The following ATAD1 variants were observed in gnomAD, a reference collection of about 807,000 sequenced individuals.
ATAD1 encodes outer mitochondrial transmembrane helix translocase.
In ATAD1, 18 loss-of-function variants were observed where a neutral mutation model predicts 42.7. That is an observed-to-expected ratio of 0.42 (90% CI 0.29 to 0.63). The LOEUF is 0.63. ATAD1 is among the 20% of genes least tolerant of loss of function. ATAD1 has a pLI of 0.19. For synonymous variants in ATAD1, 132 were observed against 143.1 expected (o/e 0.92, Z 0.55); for missense variants, 294 against 440.4 (o/e 0.67, Z 2.98).
chr10:87,831,860 A>G (rs528992498), intron 1 of ATAD1, among the ~76,000 whole-genome samples: 1 of 152,314 alleles, frequency 6.6e-6, no homozygotes, highest in South Asian at 2.1e-4. Context: ...GGTGCTTTGC[A>G]TATATCAACT....
At chr10:87,834,784 A>C (rs1364121652) in intron 1 of ATAD1, among the ~76,000 whole-genome samples, 1 of 151,694 alleles carries the variant, frequency 6.6e-6, no homozygotes, top group Non-Finnish European at 1.5e-5. Context: ...TAGCTTTTAA[A>C]AATTTTCTTC....
chr10:87,814,223 C>T (rs1857311228), intron 2 of ATAD1, among the ~76,000 whole-genome samples: 1 of 151,924 alleles, frequency 6.6e-6, no homozygotes, highest in Non-Finnish European at 1.5e-5. Flanking sequence ...ATTCATTTTT[C>T]TTCTGATAAG....
At chr10:87,782,723 A>G (rs1855625510) in intron 5 of ATAD1, among the ~76,000 whole-genome samples, 1 of 152,206 alleles carries the variant, frequency 6.6e-6, no homozygotes, top group Non-Finnish European at 1.5e-5. Context: ...TAGCAGAAGT[A>G]AATCAGCTAG....
intron 2 of ATAD1, among the ~76,000 whole-genome samples, chr10:87,797,053 A>G (rs1404606010): frequency 6.6e-6 from 1 of 152,204 alleles, no homozygotes; most frequent in Non-Finnish European, 1.5e-5. Context: ...TGTAGAGAGC[A>G]GTCTTCAGCC....
rs1375020602 is a variant in ATAD1, at chr10:87,791,640, C to A, written c.261+1017G>T. On this transcript the variant is annotated intron_variant, in intron 3 of 9. Coordinates refer to ENST00000680024, the MANE Select transcript of ATAD1 (RefSeq NM_001321967.2). Reference sequence around the variant, plus strand: ...TGTATACACAGATATTAAGACATTGCAGACTTTTATTTTCTAGATATGGAG... The same window carrying A: ...TGTATACACAGATATTAAGACATTGAAGACTTTTATTTTCTAGATATGGAG... 2.0e-5 allele frequency among the ~76,000 whole-genome samples: 3 copies of A among 152,196 alleles called. No individual in the cohort carries two copies. In the East Asian group the frequency reaches 5.8e-4, roughly 29 times the overall value.
chr10:87,755,769 C>T (rs1291456590), intron 9 of ATAD1, among the ~76,000 whole-genome samples: 3 of 151,972 alleles, frequency 2.0e-5, no homozygotes, highest in African/African-American at 7.3e-5. Context: ...ATTAGCCGGG[C>T]ATGGTGATGG....
chr10:87,834,397 C>T (rs1211165035), intron 1 of ATAD1, among the ~76,000 whole-genome samples: 1 of 152,136 alleles, frequency 6.6e-6, no homozygotes, highest in Admixed American at 6.6e-5. Context: ...TAGAATTTGA[C>T]AGTGTAACCA....
At chr10:87,775,278 G>C (rs1373901380) in intron 6 of ATAD1, among the ~76,000 whole-genome samples, 1 of 151,188 alleles carries the variant, frequency 6.6e-6, no homozygotes, top group Non-Finnish European at 1.5e-5. Flanking sequence ...AAAATTAGCT[G>C]GGCATGGTAG....
At chr10:87,806,103 T>C (rs1231361525) in intron 2 of ATAD1, among the ~76,000 whole-genome samples, 1 of 152,064 alleles carries the variant, frequency 6.6e-6, no homozygotes, top group Non-Finnish European at 1.5e-5. Flanking sequence ...CCCACAAACT[T>C]CCCCAAATTC....
chr10:87,819,842 G>A (rs17098687), upstream of ATAD1, among the ~76,000 whole-genome samples: 2 of 152,128 alleles, frequency 1.3e-5, no homozygotes, highest in African/African-American at 4.8e-5. Flanking sequence ...AAATCACAAG[G>A]CTTTAAAGGA....
At chr10:87,808,325 A>G (rs1857017490) in intron 2 of ATAD1, among the ~76,000 whole-genome samples, 1 of 97,178 alleles carries the variant, frequency 1.0e-5, no homozygotes, top group Admixed American at 1.2e-4. Flanking sequence ...AAGTAAACAA[A>G]GAAAAGCCAA....
chr10:87,811,826 C>G (rs1857198658), intron 2 of ATAD1, among the ~76,000 whole-genome samples: 1 of 152,162 alleles, frequency 6.6e-6, no homozygotes, highest in Non-Finnish European at 1.5e-5. Flanking sequence ...GCTATATGAA[C>G]ATTTCCTCCT....
intron 4 of ATAD1, among the ~76,000 whole-genome samples, chr10:87,790,068 GAAGT>G (rs1163469383): frequency 6.6e-6 from 1 of 152,104 alleles, no homozygotes; most frequent in African/African-American, 2.4e-5. Context: ...AATTTACTTG[GAAGT>G]AAGAGAAAAG....
At chr10:87,835,740 C>G (rs1304040463) in intron 1 of ATAD1, among the ~76,000 whole-genome samples, 2 of 151,836 alleles carry the variant, frequency 1.3e-5, no homozygotes, top group Non-Finnish European at 2.9e-5. Context: ...TCTGTTTTCT[C>G]TTTTCTACCT....
chr10:87,815,883 A>G (rs1564783777), intron 1 of ATAD1, among the ~76,000 whole-genome samples: 1 of 152,142 alleles, frequency 6.6e-6, no homozygotes, highest in Admixed American at 6.5e-5. Flanking sequence ...AAGGGACTCT[A>G]TAAATAGCTG....
At chr10:87,774,138 G>C (rs561405152) in intron 6 of ATAD1, among the ~76,000 whole-genome samples, 1 of 152,232 alleles carries the variant, frequency 6.6e-6, no homozygotes, top group Non-Finnish European at 1.5e-5. Context: ...TCAGACTTTT[G>C]ACTTATGCTA....
intron 8 of ATAD1, among the ~76,000 whole-genome samples, chr10:87,758,889 A>T (rs1194354147): frequency 6.6e-6 from 1 of 152,186 alleles, no homozygotes; most frequent in East Asian, 1.9e-4. Context: ...TTTTTAACTT[A>T]TGTCTCATGT....
chr10:87,804,498 T>C (rs1263607949), intron 2 of ATAD1, among the ~76,000 whole-genome samples: 2 of 152,028 alleles, frequency 1.3e-5, no homozygotes, highest in African/African-American at 2.4e-5. Flanking sequence ...GCCTCCCAAG[T>C]AGATGGGACT....
intron 1 of ATAD1, among the ~76,000 whole-genome samples, chr10:87,833,437 T>C (rs557707064): frequency 6.6e-6 from 1 of 152,314 alleles, no homozygotes; most frequent in East Asian, 1.9e-4. Flanking sequence ...TTTTATTTCT[T>C]CTTTCCCTAT....
Sources: gnomAD v4.1 joint callset for allele counts (sites outside exome capture counted in the v4.1 genomes callset) on GRCh38, gnomAD v4.1.1 for gene constraint, MANE v1.5 for transcripts, NCBI Gene and HGNC (gene_info 2026-07-23, HGNC 2026-07-21) for gene names.